TPM3: variants seen among roughly 807,000 people sequenced by gnomAD.
TPM3 encodes the protein tropomyosin 3.
A neutral mutation model predicts 43.1 loss-of-function variants in TPM3; 16 were observed. The ratio of observed to expected loss-of-function variants is 0.37; its 90% CI spans 0.25 to 0.56. The LOEUF (loss-of-function observed/expected upper bound fraction) is 0.56. Among genes scored for constraint, TPM3 ranks in the 20% least tolerant of loss-of-function variants. The probability of loss-of-function intolerance (pLI) is 0.77; values close to 1 mark genes in which losing one functional copy is unlikely to be tolerated. For missense variants in TPM3, 176 were observed against 337.2 expected (o/e 0.52, Z 3.74); for synonymous variants, 101 against 116.9 (o/e 0.86, Z 0.88).
rs1660903349 is a variant in TPM3 at position 154,165,880 on chromosome 1, C to A, written c.*2057G>T. Among the ~76,000 whole-genome samples, 1 of 151,974 alleles carries A rather than the reference C, an allele frequency of 6.6e-6. No individual in the cohort carries two copies. Among genetic ancestry groups the A allele is most frequent in the South Asian group, 2.1e-4 (1 of 4,824 alleles). ...CCTTCTTCCATGAGTTTTTCCAATT[C>A]ATTCCCACTAGGATCAATCTCGTCC... On this transcript the variant is annotated 3_prime_UTR_variant, in exon 10 of 10. Transcript: ENST00000651641.
intron 2 of TPM3, among the ~76,000 whole-genome samples, chr1:154,188,716 T>C (rs1028357274): frequency 1.3e-5 from 2 of 150,790 alleles, no homozygotes; most frequent in Admixed American, 6.6e-5. Context: ...CCTTAACTTT[T>C]GGAAGAATGA....
Position 154,191,933 on chromosome 1 carries a change from T to G in TPM3, c.86A>C (p.Glu29Ala), listed in dbSNP as rs1049537934. The change falls in exon 1 of 10, where the codon GAG becomes GCG. Residue 29 changes from glutamate to alanine, a missense_variant. By Grantham distance (107) the Glu-to-Ala change is moderately radical. Transcript: ENST00000651641. Reference protein sequence around the residue: ...ALDRAEQAEAEQKQAEERSKQ... With the variant: ...ALDRAEQAEAAQKQAEERSKQ... Reference sequence around the variant, plus strand: ...ACTTCTTTCTTCTGCCTGCTTCTGCTCAGCTTCAGCTTGCTCTGCCCGATC... The same window carrying G: ...ACTTCTTTCTTCTGCCTGCTTCTGCGCAGCTTCAGCTTGCTCTGCCCGATC... 1.3e-5 allele frequency: 21 copies of G among 1,613,816 alleles called. No homozygotes were observed. The highest frequency in any genetic ancestry group is 1.6e-5 in the Non-Finnish European group (19 of 1,180,012).
chr1:154,172,880 G>A (rs766751444), intron 5 of TPM3, 28 bp downstream of exon 5: 10 of 1,613,558 alleles, frequency 6.2e-6, no homozygotes, highest in African/African-American at 1.3e-5. Flanking sequence ...AATTGGTAAT[G>A]ACAAGATTTG....
At chr1:154,157,095 T>C, downstream of TPM3, 1 of 212,384 alleles carries the variant, frequency 4.7e-6, no homozygotes, top group Non-Finnish European at 9.5e-6. Flanking sequence ...TAACTCCTCC[T>C]GGAATCACCT....
Position 154,166,559 on chromosome 1 carries a change from A to G in TPM3, c.*1378T>C. 2 of 1,055,988 alleles carry G rather than the reference A, an allele frequency of 1.9e-6. No homozygotes were observed. Among genetic ancestry groups the G allele is most frequent in the Non-Finnish European group, 2.3e-6 (2 of 873,402 alleles). The allele number at this position is 1,055,988 out of a possible 1,614,324, so 65.4% of individuals were successfully genotyped here. A position where few individuals can be genotyped will look rare whatever the true frequency, so the allele number is the denominator to read the frequency against. On this transcript the variant is annotated 3_prime_UTR_variant, in exon 10 of 10. Coordinates refer to ENST00000651641, the MANE Select transcript of TPM3 (RefSeq NM_152263.4). ...TGCCATTGCACCCAGCTAAAAGAAA[A>G]GCAAATTTTAAATACATACCCTGCT...
chr1:154,178,303 T>A, intron 2 of TPM3: 1 of 447,064 alleles, frequency 2.2e-6, no homozygotes, highest in Middle Eastern at 1.2e-3. Flanking sequence ...ATAGAATTCT[T>A]AGCAAGGCTG....
At chr1:154,185,927 C>A (rs1181978473) in intron 2 of TPM3, among the ~76,000 whole-genome samples, 1 of 151,402 alleles carries the variant, frequency 6.6e-6, no homozygotes, top group Non-Finnish European at 1.5e-5. Flanking sequence ...ACAGGACTTA[C>A]AATGAAGAGT....
chr1:154,185,740 G>T (rs993066097), intron 2 of TPM3, among the ~76,000 whole-genome samples: 1 of 150,422 alleles, frequency 6.6e-6, no homozygotes, highest in Non-Finnish European at 1.5e-5. Context: ...AACAAAAAAA[G>T]AAACTTTCCC....
chr1:154,155,612 T>C (rs1490130776), downstream of TPM3: 1 of 235,386 alleles, frequency 4.2e-6, no homozygotes, highest in Non-Finnish European at 8.4e-6. Flanking sequence ...AGCCGGCCTC[T>C]AAGCAAATAC....
chr1:154,162,888 A>G lies in TPM3; in HGVS notation c.*5049T>C, dbSNP rs1660527955. ...GCTATAACACCTTACTTTTCTCCCA[A>G]TCTCCCTCTTATTTCCTTCTTTTTT... On this transcript the variant is annotated 3_prime_UTR_variant, in exon 10 of 10. Coordinates refer to ENST00000651641, the MANE Select transcript of TPM3 (RefSeq NM_152263.4). Among the ~76,000 whole-genome samples the G allele has an allele frequency of 6.6e-6, 1 of 151,714 alleles. No individual in the cohort carries two copies.
chr1:154,176,928 G>A (rs1308379878), intron 2 of TPM3, among the ~76,000 whole-genome samples: 1 of 147,742 alleles, frequency 6.8e-6, no homozygotes, highest in Non-Finnish European at 1.5e-5. Context: ...GTACTGAGCT[G>A]AGATTGCGCC....
At chr1:154,178,047 C>CCATG (rs1662537677) in intron 2 of TPM3, 3 of 715,406 alleles carry the variant, frequency 4.2e-6, no homozygotes, top group Non-Finnish European at 5.1e-6. Flanking sequence ...CCCAACAAGG[C>CCATG]CATGGATCAA....
chr1:154,158,982 T>A, downstream of TPM3: 1 of 780,642 alleles, frequency 1.3e-6, no homozygotes, highest in East Asian at 2.4e-5. Flanking sequence ...GTCACACAGA[T>A]CATGCAGCGT....
At chr1:154,157,832 T>G, downstream of TPM3, 1 of 754,332 alleles carries the variant, frequency 1.3e-6, no homozygotes, top group South Asian at 1.4e-5. Context: ...ATAAAGCAGC[T>G]GCCTTCTCAG....
At chr1:154,155,705 C>A (rs776747237), downstream of TPM3, 83 of 228,066 alleles carry the variant, frequency 3.6e-4, no homozygotes, top group African/African-American at 1.8e-3. Flanking sequence ...GTTAAAACCA[C>A]GCATTTATAG....
chr1:154,185,709 GAA>G (rs111472790), intron 2 of TPM3, among the ~76,000 whole-genome samples: 2 of 128,230 alleles, frequency 1.6e-5, no homozygotes. Context: ...GACACAGTCT[GAA>G]AAAAAAAAAA....
At chr1:154,157,218 G>A (rs1659903783), downstream of TPM3, 1 of 382,256 alleles carries the variant, frequency 2.6e-6, no homozygotes, top group African/African-American at 2.0e-5. Context: ...TCTCCTCTAT[G>A]GAGAGGGGAA....
intron 2 of TPM3, chr1:154,187,520 A>T: frequency 3.0e-6 from 3 of 984,504 alleles, no homozygotes; most frequent in Non-Finnish European, 3.6e-6. Flanking sequence ...GTGGATTCCT[A>T]TGTAAATATG....
intron 2 of TPM3, among the ~76,000 whole-genome samples, chr1:154,184,931 C>T (rs528217386): frequency 4.0e-5 from 6 of 151,642 alleles, no homozygotes; most frequent in South Asian, 2.1e-4. Context: ...AAAAAACAGA[C>T]GACTGTTACT....
Sources: allele counts gnomAD v4.1 joint callset (sites outside exome capture counted in the v4.1 genomes callset), GRCh38; gene constraint gnomAD v4.1.1; transcripts MANE v1.5; gene names NCBI Gene and HGNC (gene_info 2026-07-23, HGNC 2026-07-21).